Variants in PCDHA13 observed in about 807,000 individuals in gnomAD.
PCDHA13 encodes the protein protocadherin alpha 13.
Under a neutral mutation model 64.8 loss-of-function variants are expected in PCDHA13, and 54 were observed. The observed-to-expected ratio is 0.83, with a 90% CI of 0.67 to 1.04. The LOEUF (loss-of-function observed/expected upper bound fraction) is 1.04, where lower values mean the gene tolerates loss of function less well. Among genes scored for constraint, PCDHA13 ranks in the 50% least tolerant of loss-of-function variants. The probability of loss-of-function intolerance (pLI) is 0.00; values close to 1 mark genes in which losing one functional copy is unlikely to be tolerated. For synonymous variants in PCDHA13, 587 were observed against 564.4 expected (o/e 1.04, Z -0.57); for missense variants, 1,248 against 1,254.3 (o/e 0.99, Z 0.08).
intron 1 of PCDHA13, among the ~76,000 whole-genome samples, chr5:140,901,492 C>T (rs548353886): frequency 1.3e-5 from 2 of 152,234 alleles, no homozygotes; most frequent in South Asian, 2.1e-4. Flanking sequence ...GCACCTTCAT[C>T]GAAAATGAGT....
In PCDHA13 at chr5:140,981,033, G is replaced by GA. The variant is rs148859655; in HGVS notation, c.2454-1434dup. ...CACTTGAAGGCTGTTAATATTTGGG[G>GA]AAAAAAAACAGATAATTCTAGAGTG... On this transcript the variant is annotated intron_variant, in intron 2 of 3. Transcript: ENST00000289272. 8.2e-3 allele frequency among the ~76,000 whole-genome samples: 1,241 copies of GA among 151,610 alleles called. 19 individuals are homozygous for GA. Among genetic ancestry groups the GA allele is most frequent in the African/African-American group, 0.027 (1,115 of 41,338 alleles).
chr5:140,945,596 T>C (rs2093812585), intron 1 of PCDHA13, among the ~76,000 whole-genome samples: 1 of 152,060 alleles, frequency 6.6e-6, no homozygotes, highest in Admixed American at 6.6e-5. Context: ...ACTTCAAAGC[T>C]ATAATAATCA....
rs544074425 is a variant in PCDHA13, at chr5:140,965,070, C to A, written c.2395-13879C>A. Among the ~76,000 whole-genome samples the A allele has an allele frequency of 1.2e-4, 19 of 152,306 alleles. 1 individual carries two copies. In the South Asian group the frequency reaches 3.9e-3, roughly 32 times the overall value. On this transcript the variant is annotated intron_variant, in intron 1 of 3. Coordinates refer to ENST00000289272, the MANE Select transcript of PCDHA13 (RefSeq NM_018904.3). ...GGGAAGCATGCCAAATGTCAGGTCT[C>A]ACTCTGACTTTGTTCCAGTCCATAG... is the stretch of plus-strand genomic sequence containing the variant.
chr5:140,982,582 T>C lies in PCDHA13; in HGVS notation c.2542+19T>C. On this transcript the variant is annotated intron_variant, in intron 3 of 3. Transcript: ENST00000289272. ...ACACCAGGTAAAGAGCTGGGGTCTC[T>C]CCATTCTTTCTTGGTTTCTGGAAAG... 6.2e-7 allele frequency: 1 copy of C among 1,612,148 alleles called. No homozygotes were observed. Among genetic ancestry groups the C allele is most frequent in the Non-Finnish European group, 8.5e-7 (1 of 1,178,720 alleles).
intron 1 of PCDHA13, among the ~76,000 whole-genome samples, chr5:140,902,415 G>T (rs887303649): frequency 1.3e-5 from 2 of 152,060 alleles, no homozygotes; most frequent in South Asian, 4.1e-4. Context: ...TTGAATAACA[G>T]TGGTGAAAGT....
At chr5:140,989,598 T>C (rs369591964) in intron 3 of PCDHA13, among the ~76,000 whole-genome samples, 431 of 152,260 alleles carry the variant, frequency 2.8e-3, no homozygotes, top group Middle Eastern at 6.8e-3. Flanking sequence ...CTGACACAAG[T>C]AAACTAAAAA....
chr5:140,964,969 G>T (rs2095866914), intron 1 of PCDHA13, among the ~76,000 whole-genome samples: 1 of 152,190 alleles, frequency 6.6e-6, no homozygotes, highest in South Asian at 2.1e-4. Flanking sequence ...TGGAACGAAG[G>T]GATGTGCTAG....
In PCDHA13 at chr5:140,907,883, G is replaced by A. The variant is rs374762446; in HGVS notation, c.2394+23221G>A. Among the ~76,000 whole-genome samples, 394 of 152,228 alleles carry A rather than the reference G, an allele frequency of 2.6e-3. 2 individuals carry two copies. Among genetic ancestry groups the A allele is most frequent in the African/African-American group, 9.2e-3 (382 of 41,542 alleles). ...CCAGCCGTTGGTGAGCACTCACATG[G>A]GATACAAATATCTTCACAGTTTTTG... On this transcript the variant is annotated intron_variant, in intron 1 of 3. Coordinates refer to ENST00000289272, the MANE Select transcript of PCDHA13 (RefSeq NM_018904.3).
At chr5:140,967,652 T>A in intron 1 of PCDHA13, 1 of 1,614,152 alleles carries the variant, frequency 6.2e-7, no homozygotes, top group South Asian at 1.1e-5. Flanking sequence ...CAGGTACTCC[T>A]TGAGCAGCTA....
In PCDHA13 at chr5:140,920,607, A is replaced by G. The variant is rs185483487; in HGVS notation, c.2394+35945A>G. Among the ~76,000 whole-genome samples the G allele has an allele frequency of 8.0e-3, 1,215 of 152,266 alleles. 5 individuals are homozygous for G. Among genetic ancestry groups the G allele is most frequent in the African/African-American group, 0.019 (784 of 41,544 alleles). On this transcript the variant is annotated intron_variant, in intron 1 of 3. Coordinates refer to ENST00000289272, the MANE Select transcript of PCDHA13 (RefSeq NM_018904.3). ...ACGCCTGTAATCCCAGCACTTTGGG[A>G]GGCCGAGGCGGATGGATCACAAGGT...
At chr5:140,928,276 G>T in intron 1 of PCDHA13, 1 of 1,614,172 alleles carries the variant, frequency 6.2e-7, no homozygotes, top group Non-Finnish European at 8.5e-7. Context: ...TGGCCCTGGG[G>T]CCTCTCTAGG....
At chr5:140,950,778 G>C (rs537312607) in intron 1 of PCDHA13, among the ~76,000 whole-genome samples, 3 of 152,030 alleles carry the variant, frequency 2.0e-5, no homozygotes, top group Admixed American at 1.3e-4. Flanking sequence ...CATACATATG[G>C]TACTTTTTAA....
intron 1 of PCDHA13, among the ~76,000 whole-genome samples, chr5:140,959,354 A>C (rs1021119947): frequency 2.0e-5 from 3 of 152,244 alleles, no homozygotes; most frequent in African/African-American, 7.2e-5. Context: ...CAGCGGGACA[A>C]CTGAGTGAGA....
At chr5:140,889,176 A>T (rs2062131208) in intron 1 of PCDHA13, among the ~76,000 whole-genome samples, 1 of 151,738 alleles carries the variant, frequency 6.6e-6, no homozygotes, top group South Asian at 2.1e-4. Context: ...CAAGTTATAA[A>T]TAAGAATCTA....
chr5:140,996,799 T>C (rs1372599057), intron 3 of PCDHA13, among the ~76,000 whole-genome samples: 3 of 152,306 alleles, frequency 2.0e-5, no homozygotes, highest in African/African-American at 7.2e-5. Context: ...CTACATCCAA[T>C]CATGCTTTCC....
chr5:140,891,637 G>A (rs1245368138), intron 1 of PCDHA13, among the ~76,000 whole-genome samples: 1 of 151,912 alleles, frequency 6.6e-6, no homozygotes, highest in East Asian at 1.9e-4. Context: ...TGCTCTTTGG[G>A]CTTTATTGTG....
intron 1 of PCDHA13, among the ~76,000 whole-genome samples, chr5:140,932,458 G>T (rs1316450984): frequency 6.6e-6 from 1 of 151,710 alleles, no homozygotes; most frequent in African/African-American, 2.4e-5. Flanking sequence ...TTTTGCCAGG[G>T]TATATAGGAA....
At chr5:140,921,965 A>T (rs1459699467) in intron 1 of PCDHA13, among the ~76,000 whole-genome samples, 1 of 152,112 alleles carries the variant, frequency 6.6e-6, no homozygotes. Flanking sequence ...AGAAAACCAA[A>T]GGAAAAAATA....
intron 1 of PCDHA13, chr5:140,969,096 A>T: frequency 6.2e-7 from 1 of 1,614,162 alleles, no homozygotes; most frequent in Non-Finnish European, 8.5e-7. Flanking sequence ...GTGCAGCCTC[A>T]CTTCATTGAA....
Sources: gnomAD v4.1 joint callset for allele counts (sites outside exome capture counted in the v4.1 genomes callset) on GRCh38, gnomAD v4.1.1 for gene constraint, MANE v1.5 for transcripts, NCBI Gene and HGNC (gene_info 2026-07-23, HGNC 2026-07-21) for gene names.